The following RBMS3 variants were observed in gnomAD, a reference collection of about 807,000 sequenced individuals.
RBMS3 encodes RNA-binding motif, single-stranded-interacting protein 3.
Under a neutral mutation model 66.8 loss-of-function variants are expected in RBMS3, and 27 were observed. The observed-to-expected ratio is 0.40, with a 90% CI of 0.30 to 0.56. The LOEUF is 0.56. Ranked by LOEUF, RBMS3 falls within the 20% of genes least tolerant of loss-of-function variation. The probability of loss-of-function intolerance (pLI) is 0.40; values close to 1 mark genes in which losing one functional copy is unlikely to be tolerated. For synonymous variants in RBMS3, 188 were observed against 183.0 expected (o/e 1.03, Z -0.22); for missense variants, 513 against 549.5 (o/e 0.93, Z 0.66).
At chr3:29,969,577 A>G (rs1249118125) in intron 12 of RBMS3, among the ~76,000 whole-genome samples, 1 of 152,198 alleles carries the variant, frequency 6.6e-6, no homozygotes, top group African/African-American at 2.4e-5. Flanking sequence ...AGGGAAGAGA[A>G]TAGGTCATTT....
chr3:29,418,385 A>G (rs2040566463), intron 1 of RBMS3, among the ~76,000 whole-genome samples: 1 of 152,206 alleles, frequency 6.6e-6, no homozygotes, highest in South Asian at 2.1e-4. Context: ...TTGCTAACAT[A>G]TGACACTAAT....
At chr3:29,608,724 G>T (rs1333283454) in intron 4 of RBMS3, among the ~76,000 whole-genome samples, 1 of 152,014 alleles carries the variant, frequency 6.6e-6, no homozygotes, top group Non-Finnish European at 1.5e-5. Flanking sequence ...AAACTGCTTA[G>T]GGAAAGTATA....
intron 4 of RBMS3, among the ~76,000 whole-genome samples, chr3:29,642,371 T>C (rs2049750106): frequency 6.6e-6 from 1 of 152,156 alleles, no homozygotes; most frequent in Non-Finnish European, 1.5e-5. Context: ...CATCTATGTT[T>C]ATTTTTGAAC....
chr3:29,507,255 G>A (rs2044217466), intron 3 of RBMS3, among the ~76,000 whole-genome samples: 1 of 151,246 alleles, frequency 6.6e-6, no homozygotes, highest in Non-Finnish European at 1.5e-5. Flanking sequence ...ATACTCTTTA[G>A]GTACATACAC....
At chr3:29,691,698 C>A (rs1344313) in intron 4 of RBMS3, among the ~76,000 whole-genome samples, 91,691 of 151,864 alleles carry the variant, frequency 0.6, 27,917 homozygotes, top group African/African-American at 0.68. Flanking sequence ...GCACCAGGTT[C>A]AATTTTTATT....
intron 1 of RBMS3, among the ~76,000 whole-genome samples, chr3:29,394,776 A>AC (rs1013517464): frequency 6.6e-5 from 10 of 151,166 alleles, no homozygotes; most frequent in Non-Finnish European, 1.5e-5. Flanking sequence ...CTTTCCAGGC[A>AC]CCCCCCTGTC....
chr3:29,991,939 G>C (rs1043917014), intron 14 of RBMS3, among the ~76,000 whole-genome samples: 1 of 152,120 alleles, frequency 6.6e-6, no homozygotes, highest in East Asian at 1.9e-4. Flanking sequence ...AATTACTCTT[G>C]AAAATCCTTA....
chr3:29,803,547 T>C lies in RBMS3; in HGVS notation c.637+40558T>C, dbSNP rs1024468021. 1.6e-4 allele frequency among the ~76,000 whole-genome samples: 25 copies of C among 152,108 alleles called. 1 individual carries two copies. The highest frequency in any genetic ancestry group is 1.5e-3 in the Admixed American group (23 of 15,242). On this transcript the variant is annotated intron_variant, in intron 6 of 14. Transcript: ENST00000383767. ...CACCTACCTTAATATAGTCACAGTTTGCAAACTGGTTGTCTTTAGTGTTTA... is the reference window on the plus strand; with the variant it reads ...CACCTACCTTAATATAGTCACAGTTCGCAAACTGGTTGTCTTTAGTGTTTA...
At chr3:29,387,031 TC>T (rs2039039833) in intron 1 of RBMS3, among the ~76,000 whole-genome samples, 1 of 152,210 alleles carries the variant, frequency 6.6e-6, no homozygotes. Flanking sequence ...TTACCCCTTC[TC>T]AATCTCGCCA....
chr3:29,357,372 A>G (rs2037288312), intron 1 of RBMS3, among the ~76,000 whole-genome samples: 2 of 152,224 alleles, frequency 1.3e-5, no homozygotes, highest in Admixed American at 1.3e-4. Context: ...TACAAAGGAC[A>G]TGAACTCATC....
chr3:29,623,591 CAA>C (rs55768184), intron 4 of RBMS3, among the ~76,000 whole-genome samples: 32,153 of 115,416 alleles, frequency 0.28, 3,798 homozygotes, highest in Middle Eastern at 0.39. Flanking sequence ...AAGACTGTCT[CAA>C]AAAAAAAAAA....
chr3:29,408,735 C>A (rs562475289), intron 1 of RBMS3, among the ~76,000 whole-genome samples: 12 of 152,268 alleles, frequency 7.9e-5, no homozygotes, highest in African/African-American at 2.9e-4. Context: ...TGTGTAATCG[C>A]TGTACCAACT....
At position 29,987,838 on chromosome 3, in the gene RBMS3, GATGTGAA is replaced by G. The variant is rs1030238076; in HGVS notation, c.1099-293_1099-287del. On this transcript the variant is annotated intron_variant, in intron 12 of 14. Transcript: ENST00000383767. ...CCAACTCTCCTGGAGTTTGTGTTTA[GATGTGAA>G]ATGTGAAATGTTTGAGATCTTATTT... Among the ~76,000 whole-genome samples, 7 of 152,174 alleles carry G rather than the reference GATGTGAA, an allele frequency of 4.6e-5. No homozygotes were observed. In the South Asian group the frequency reaches 6.2e-4, roughly 14 times the overall value.
chr3:29,871,102 T>C (rs796859835), intron 7 of RBMS3, among the ~76,000 whole-genome samples: 2 of 152,290 alleles, frequency 1.3e-5, no homozygotes, highest in African/African-American at 4.8e-5. Flanking sequence ...ATTAATCCTA[T>C]ATAAGCAATA....
chr3:29,436,158 G>A (rs570231022), intron 2 of RBMS3, among the ~76,000 whole-genome samples: 182 of 152,208 alleles, frequency 1.2e-3, no homozygotes, highest in Non-Finnish European at 2.1e-3. Context: ...AAGCCATGAG[G>A]ATATTTATTT....
chr3:29,457,560 A>G (rs1327936458), intron 2 of RBMS3, among the ~76,000 whole-genome samples: 1 of 151,062 alleles, frequency 6.6e-6, no homozygotes, highest in Non-Finnish European at 1.5e-5. Context: ...TGTCTCTACT[A>G]AATATACAAA....
intron 6 of RBMS3, among the ~76,000 whole-genome samples, chr3:29,780,424 A>T (rs1559663533): frequency 6.6e-6 from 1 of 151,798 alleles, no homozygotes; most frequent in Non-Finnish European, 1.5e-5. Flanking sequence ...CTTTCCCTTG[A>T]TTGCTCTTTA....
chr3:29,854,168 C>T (rs1457454272), intron 6 of RBMS3, among the ~76,000 whole-genome samples: 1 of 152,186 alleles, frequency 6.6e-6, no homozygotes. Context: ...CTCCCAGCTC[C>T]AGGCTGAGAA....
intron 1 of RBMS3, among the ~76,000 whole-genome samples, chr3:29,316,852 TG>T (rs932067709): frequency 6.6e-6 from 1 of 151,628 alleles, no homozygotes; most frequent in African/African-American, 2.4e-5. Flanking sequence ...AAGAGACATT[TG>T]TTGGATAAGT....
Sources: allele counts gnomAD v4.1 joint callset (sites outside exome capture counted in the v4.1 genomes callset), GRCh38; gene constraint gnomAD v4.1.1; transcripts MANE v1.5; gene names NCBI Gene and HGNC (gene_info 2026-07-23, HGNC 2026-07-21).